Variants in PKD1L1 observed in about 807,000 individuals in gnomAD.
The protein encoded by PKD1L1 is polycystin-1-like protein 1.
A neutral mutation model predicts 323.4 loss-of-function variants in PKD1L1; 236 were observed. The ratio of observed to expected loss-of-function variants is 0.73; its 90% CI spans 0.66 to 0.81. PKD1L1 has a LOEUF of 0.81. Ranked by LOEUF, PKD1L1 falls within the 40% of genes least tolerant of loss-of-function variation. The probability of loss-of-function intolerance (pLI) is 0.00; values close to 1 mark genes in which losing one functional copy is unlikely to be tolerated. For synonymous variants in PKD1L1, 1,344 were observed against 1,335.0 expected, an observed-to-expected ratio of 1.01 and a Z score of -0.15; for missense variants, 3,320 against 3,508.0, an observed-to-expected ratio of 0.95 and a Z score of 1.35.
chr7:47,779,603 A>G (rs1562926533), intron 56 of PKD1L1, among the ~76,000 whole-genome samples: 1 of 152,148 alleles, frequency 6.6e-6, no homozygotes, highest in Non-Finnish European at 1.5e-5. Context: ...AATAACTCAG[A>G]TTTTTTTAGC....
At chr7:47,925,786 A>G (rs1308164583) in intron 7 of PKD1L1, among the ~76,000 whole-genome samples, 1 of 152,252 alleles carries the variant, frequency 6.6e-6, no homozygotes, top group East Asian at 1.9e-4. Flanking sequence ...ACCCCAAAAT[A>G]TATTTGACAC....
At chr7:47,891,862 G>A (rs1194286155) in intron 15 of PKD1L1, among the ~76,000 whole-genome samples, 2 of 152,208 alleles carry the variant, frequency 1.3e-5, no homozygotes, top group African/African-American at 4.8e-5. Flanking sequence ...AGGGAAGTCT[G>A]CAGATGGCTA....
intron 7 of PKD1L1, among the ~76,000 whole-genome samples, chr7:47,922,545 C>T (rs1489870037): frequency 6.6e-6 from 1 of 151,726 alleles, no homozygotes; most frequent in Non-Finnish European, 1.5e-5. Context: ...ATGTGAAGAG[C>T]GCCTCTGCCA....
chr7:47,898,362 C>A (rs549147413), intron 13 of PKD1L1, among the ~76,000 whole-genome samples, 168 bp from the exon 14 acceptor site: 1 of 151,932 alleles, frequency 6.6e-6, no homozygotes, highest in Admixed American at 6.6e-5. Flanking sequence ...ATAAACACTA[C>A]ATCTATTTTA....
chr7:47,953,871 G>A, the PKD1L1 span, among the ~76,000 whole-genome samples: 1 of 152,324 alleles, frequency 6.6e-6, no homozygotes, highest in East Asian at 1.9e-4. Context: ...ACACAAGGTA[G>A]ATGCCCTCCA....
Position 47,843,187 on chromosome 7 carries a change from G to T in PKD1L1, c.5238-18C>A. 1 of 1,573,952 alleles carries T rather than the reference G, an allele frequency of 6.4e-7. No individual in the cohort carries two copies. Among genetic ancestry groups the T allele is most frequent in the Non-Finnish European group, 8.7e-7 (1 of 1,153,102 alleles). On this transcript the variant is annotated intron_variant, in intron 33 of 56. Coordinates refer to ENST00000289672, the MANE Select transcript of PKD1L1 (RefSeq NM_138295.5). The stretch of plus-strand genomic sequence containing the variant: ...CTGGGTGGCTATAAACAAAAGGAGA[G>T]ATATAAAGAAAATTGCTCATGAAAA...
intron 52 of PKD1L1, among the ~76,000 whole-genome samples, chr7:47,807,279 G>C (rs958051677): frequency 6.6e-6 from 1 of 152,012 alleles, no homozygotes; most frequent in Non-Finnish European, 1.5e-5. Context: ...CTCCAACAAA[G>C]AGGCAGGGAC....
At chr7:47,912,891 G>GA (rs1352689821) in intron 8 of PKD1L1, among the ~76,000 whole-genome samples, 2 of 151,598 alleles carry the variant, frequency 1.3e-5, no homozygotes, top group Admixed American at 1.3e-4. Context: ...CAATGACGGG[G>GA]AAAAAAGAAG....
chr7:47,857,520 C>T, intron 28 of PKD1L1, 85 bp downstream of exon 28: 2 of 1,176,194 alleles, frequency 1.7e-6, no homozygotes, highest in East Asian at 2.4e-5. Flanking sequence ...ATATGCCAAC[C>T]TAGTTTCTCT....
chr7:47,841,344 C>T (rs976663148), intron 34 of PKD1L1, among the ~76,000 whole-genome samples: 4 of 152,220 alleles, frequency 2.6e-5, no homozygotes, highest in Non-Finnish European at 4.4e-5. Context: ...CAGTACCTCT[C>T]CCGAGGTCAT....
chr7:47,865,796 T>C (rs1462311177), intron 25 of PKD1L1, among the ~76,000 whole-genome samples: 2 of 150,756 alleles, frequency 1.3e-5, no homozygotes, highest in Non-Finnish European at 2.9e-5. Context: ...GGGGTTTCAC[T>C]GTGTTAGCCA....
At chr7:47,805,711 G>T (rs1217759893) in intron 52 of PKD1L1, among the ~76,000 whole-genome samples, 3 of 152,216 alleles carry the variant, frequency 2.0e-5, no homozygotes, top group African/African-American at 7.2e-5. Context: ...TTGCATTATA[G>T]TTCTGTGCTT....
intron 51 of PKD1L1, 90 bp downstream of exon 51, chr7:47,809,383 T>C (rs1784846575): frequency 1.0e-6 from 1 of 975,572 alleles, no homozygotes; most frequent in African/African-American, 1.6e-5. Context: ...CAGTAGCTAG[T>C]GCATAATCAA....
At chr7:47,794,100 AG>A (rs1787017060) in intron 55 of PKD1L1, among the ~76,000 whole-genome samples, 1 of 152,246 alleles carries the variant, frequency 6.6e-6, no homozygotes, top group South Asian at 2.1e-4. Flanking sequence ...AGAAATTTGC[AG>A]CCTGACAATG....
intron 46 of PKD1L1, 24 bp from the exon 47 acceptor site, chr7:47,815,481 A>G: frequency 6.2e-7 from 1 of 1,608,090 alleles, no homozygotes; most frequent in Non-Finnish European, 8.5e-7. Flanking sequence ...CAAAAATAAA[A>G]AGTTGCTTCT....
At chr7:47,777,975 G>A (rs958571611) in intron 56 of PKD1L1, among the ~76,000 whole-genome samples, 19 of 152,248 alleles carry the variant, frequency 1.2e-4, no homozygotes, top group African/African-American at 4.6e-4. Flanking sequence ...GGCAGTAGCT[G>A]GGGCCTGGAC....
chr7:47,813,613 A>G (rs575655357), intron 48 of PKD1L1: 1 of 664,074 alleles, frequency 1.5e-6, no homozygotes. Context: ...TTAGAAAAAG[A>G]TATGTGAATA....
Position 47,914,487 on chromosome 7 carries a change from T to C in PKD1L1, c.1228+945A>G, listed in dbSNP as rs375125965. Among the ~76,000 whole-genome samples the C allele has an allele frequency of 1.8e-4, 28 of 151,814 alleles. No homozygotes were observed. The East Asian group carries it at 4.9e-3, about 26-fold the overall frequency. ...GGTGGGAGTGCCCATGCTGCAGGGG[T>C]CTTCATAGGCAAGGCAGGGCAGAAG... On this transcript the variant is annotated intron_variant, in intron 8 of 56. Transcript: ENST00000289672.
chr7:47,810,533 C>G (rs1177859521), intron 50 of PKD1L1, among the ~76,000 whole-genome samples: 1 of 152,170 alleles, frequency 6.6e-6, no homozygotes. Context: ...ATGCTCCCAC[C>G]CTCCATTGCG....
Sources: gnomAD v4.1 joint callset for allele counts (sites outside exome capture counted in the v4.1 genomes callset) on GRCh38, gnomAD v4.1.1 for gene constraint, MANE v1.5 for transcripts, NCBI Gene and HGNC (gene_info 2026-07-23, HGNC 2026-07-21) for gene names.